ATG3: variants seen among roughly 807,000 people sequenced by gnomAD.
ATG3 encodes the protein autophagy related 3.
Under a neutral mutation model 50.7 loss-of-function variants are expected in ATG3, and 25 were observed. That is an observed-to-expected ratio of 0.49 (90% CI 0.36 to 0.69). The LOEUF is 0.69. ATG3 is among the 30% of genes least tolerant of loss of function. ATG3 has a pLI of 0.00. For missense variants in ATG3, 281 were observed against 376.0 expected, an observed-to-expected ratio of 0.75 and a Z score of 2.09; for synonymous variants, 119 against 125.5, an observed-to-expected ratio of 0.95 and a Z score of 0.34.
At chr3:112,533,650 ATT>A in intron 11 of ATG3, 1 of 985,326 alleles carries the variant, frequency 1.0e-6, no homozygotes, top group Non-Finnish European at 1.2e-6. Context: ...TAAATCATTG[ATT>A]TTGACTGTTT....
In ATG3 at chr3:112,548,588, A is replaced by G. The variant is rs1196254275; in HGVS notation, c.288T>C (p.Ala96=). 1 of 1,614,080 alleles carries G rather than the reference A, an allele frequency of 6.2e-7. No individual in the cohort carries two copies. The highest frequency in any genetic ancestry group is 1.1e-5 in the South Asian group (1 of 91,080). ...KQMEYSDELE[A]IIEEDDGDGG... ...CATCACCATCATCTTCTTCAATGATAGCTTCCAATTCATCTGAATATTCCA... is the reference window on the plus strand; with the variant it reads ...CATCACCATCATCTTCTTCAATGATGGCTTCCAATTCATCTGAATATTCCA... The change falls in exon 5 of 12, where the codon GCT becomes GCC. Residue 96 remains alanine (A), a synonymous_variant. Coordinates refer to ENST00000283290, the MANE Select transcript of ATG3 (RefSeq NM_022488.5).
chr3:112,548,653 T>C lies in ATG3; in HGVS notation c.236-13A>G, dbSNP rs748511864. 1 of 1,602,136 alleles carries C rather than the reference T, an allele frequency of 6.2e-7. No homozygotes were observed. ...TTATAGCACGGCACTATAAAAAAAATGGTAAATACAGTTAACTAGCACGTA... is the reference window on the plus strand; with the variant it reads ...TTATAGCACGGCACTATAAAAAAAACGGTAAATACAGTTAACTAGCACGTA... On this transcript the variant is annotated splice_polypyrimidine_tract_variant and intron_variant, in intron 4 of 11. Coordinates refer to ENST00000283290, the MANE Select transcript of ATG3 (RefSeq NM_022488.5).
intron 9 of ATG3, 106 bp from the exon 10 acceptor site, chr3:112,536,708 TCA>T: frequency 1.7e-5 from 20 of 1,203,658 alleles, no homozygotes; most frequent in Non-Finnish European, 2.3e-5. Context: ...GATCACATGG[TCA>T]GGAGATCGAG....
At chr3:112,532,856 T>G in intron 11 of ATG3, 76 bp from the exon 12 acceptor site, 1 of 1,398,794 alleles carries the variant, frequency 7.1e-7, no homozygotes, top group Non-Finnish European at 9.3e-7. Flanking sequence ...ATTATCCATT[T>G]TATTAAGCCA....
chr3:112,559,762 G>A (rs931105906), intron 1 of ATG3, among the ~76,000 whole-genome samples: 1 of 152,224 alleles, frequency 6.6e-6, no homozygotes, highest in African/African-American at 2.4e-5. Context: ...GCAGTCAGGG[G>A]ATGGAGCAGA....
intron 2 of ATG3, among the ~76,000 whole-genome samples, chr3:112,555,400 T>C (rs1048391506): frequency 2.6e-5 from 4 of 152,232 alleles, no homozygotes; most frequent in African/African-American, 9.6e-5. Flanking sequence ...ATTATCAGTA[T>C]ATAATACTGA....
chr3:112,560,852 T>C (rs189156635), intron 1 of ATG3, among the ~76,000 whole-genome samples: 2 of 152,326 alleles, frequency 1.3e-5, no homozygotes, highest in Non-Finnish European at 2.9e-5. Flanking sequence ...TGCCTTGTTA[T>C]CACTAATAAC....
intron 1 of ATG3, among the ~76,000 whole-genome samples, chr3:112,559,733 C>T (rs946639913): frequency 6.6e-6 from 1 of 152,194 alleles, no homozygotes; most frequent in African/African-American, 2.4e-5. Flanking sequence ...ATAAAGAGAT[C>T]AGGTTAGCTT....
chr3:112,548,657 A>G lies in ATG3; in HGVS notation c.236-17T>C. 1 of 1,598,186 alleles carries G rather than the reference A, an allele frequency of 6.3e-7. No individual in the cohort carries two copies. The highest frequency in any genetic ancestry group is 1.1e-5 in the South Asian group (1 of 90,748). On this transcript the variant is annotated splice_polypyrimidine_tract_variant and intron_variant, in intron 4 of 11. Coordinates refer to ENST00000283290, the MANE Select transcript of ATG3 (RefSeq NM_022488.5). ...AGCACGGCACTATAAAAAAAATGGT[A>G]AATACAGTTAACTAGCACGTAATCT...
At chr3:112,542,109 G>A (rs1395484048) in intron 6 of ATG3, among the ~76,000 whole-genome samples, 3 of 144,992 alleles carry the variant, frequency 2.1e-5, no homozygotes, top group Non-Finnish European at 4.4e-5. Context: ...TATTATGGGA[G>A]CAGTAAGAGT....
At chr3:112,550,419 T>C (rs1313216729) in intron 3 of ATG3, among the ~76,000 whole-genome samples, 157 bp from the exon 4 acceptor site, 1 of 152,168 alleles carries the variant, frequency 6.6e-6, no homozygotes, top group African/African-American at 2.4e-5. Context: ...AAGTAATACA[T>C]GTCAGGGCAT....
At position 112,537,862 on chromosome 3, in the gene ATG3, T is replaced by C; in HGVS notation, c.539A>G (p.Glu180Gly). The change falls in exon 9 of 12, where the codon GAA (glutamate) becomes GGA (glycine). Residue 180 changes from glutamate to glycine, a missense_variant. Coordinates refer to ENST00000283290, the MANE Select transcript of ATG3 (RefSeq NM_022488.5). ...AGCATCAGTTTTGGCTTTACAAGCTTCTACTATTTTCCTTGTATCTAGGGT... is the reference window on the plus strand; with the variant it reads ...AGCATCAGTTTTGGCTTTACAAGCTCCTACTATTTTCCTTGTATCTAGGGT... ...EATLDTRKIV[E>G]ACKAKTDAGG... is the part of the protein sequence containing the mutation. 6.2e-7 allele frequency: 1 copy of C among 1,610,444 alleles called. No individual in the cohort carries two copies. The highest frequency in any genetic ancestry group is 1.1e-5 in the South Asian group (1 of 89,996).
intron 2 of ATG3, among the ~76,000 whole-genome samples, chr3:112,556,809 A>C (rs1477133270): frequency 1.3e-5 from 2 of 151,942 alleles, no homozygotes; most frequent in African/African-American, 4.8e-5. Context: ...TGCTTTGTTA[A>C]ACAGATGCTT....
At chr3:112,533,363 C>T in intron 11 of ATG3, 1 of 985,130 alleles carries the variant, frequency 1.0e-6, no homozygotes, top group South Asian at 4.7e-5. Flanking sequence ...TATATATAGA[C>T]AGTCTTCCAA....
rs562946863 is a variant in ATG3, at chr3:112,546,158, AAAC to A, written c.344-2055_344-2053del. ...TCTAAAAAAAACACAAAAAAACAAA[AAAC>A]AACAACAACAAACAAAAAAAAACCT... On this transcript the variant is annotated intron_variant, in intron 5 of 11. Transcript: ENST00000283290. Among the ~76,000 whole-genome samples, 305 of 151,310 alleles carry A rather than the reference AAAC, an allele frequency of 2.0e-3. 2 individuals are homozygous for A. Among genetic ancestry groups the A allele is most frequent in the African/African-American group, 6.8e-3 (278 of 40,976 alleles).
At chr3:112,549,825 C>T (rs1933480524) in intron 4 of ATG3, among the ~76,000 whole-genome samples, 1 of 150,180 alleles carries the variant, frequency 6.7e-6, no homozygotes, top group Admixed American at 6.6e-5. Flanking sequence ...AAACCACTAC[C>T]TGTTTCAAAA....
chr3:112,541,118 G>C (rs1933212149), intron 7 of ATG3, among the ~76,000 whole-genome samples: 1 of 152,124 alleles, frequency 6.6e-6, no homozygotes, highest in Non-Finnish European at 1.5e-5. Context: ...GCCAAGCACA[G>C]TGGCTCACAC....
chr3:112,553,503 G>A (rs1230708673), intron 2 of ATG3, among the ~76,000 whole-genome samples, 174 bp from the exon 3 acceptor site: 1 of 152,096 alleles, frequency 6.6e-6, no homozygotes, highest in Non-Finnish European at 1.5e-5. Context: ...ATTTATTTTT[G>A]ATTATGACTA....
At chr3:112,542,395 C>T (rs1933256868) in intron 6 of ATG3, among the ~76,000 whole-genome samples, 1 of 152,036 alleles carries the variant, frequency 6.6e-6, no homozygotes, top group African/African-American at 2.4e-5. Flanking sequence ...AATTTCTTAA[C>T]TATATTAGCT....
Sources: gnomAD v4.1 joint callset for allele counts (sites outside exome capture counted in the v4.1 genomes callset) on GRCh38, gnomAD v4.1.1 for gene constraint, MANE v1.5 for transcripts, NCBI Gene and HGNC (gene_info 2026-07-23, HGNC 2026-07-21) for gene names.